The following EDIL3 variants were observed in gnomAD, a reference collection of about 807,000 sequenced individuals.
EDIL3 encodes the protein EGF like and discoidin domains 3, also known as EGF-like repeat and discoidin I-like domain-containing protein 3.
EDIL3 carries 37 observed loss-of-function variants against 67.4 expected under a neutral mutation model. The observed-to-expected ratio is 0.55, with a 90% CI of 0.42 to 0.72. EDIL3 has a LOEUF of 0.72. EDIL3 is among the 30% of genes least tolerant of loss of function. The pLI is 0.00. For missense variants in EDIL3, 527 were observed against 586.3 expected (o/e 0.90, Z 1.04); for synonymous variants, 195 against 196.3 (o/e 0.99, Z 0.05).
chr5:84,029,615 A>G (rs933815357), intron 9 of EDIL3, among the ~76,000 whole-genome samples: 3 of 152,212 alleles, frequency 2.0e-5, no homozygotes, highest in Admixed American at 2.0e-4. Context: ...AACTTTCATA[A>G]GGCTAAGTTA....
chr5:84,330,855 A>G (rs10072019), intron 1 of EDIL3, among the ~76,000 whole-genome samples: 59,090 of 151,976 alleles, frequency 0.39, 12,072 homozygotes, highest in Middle Eastern at 0.49. Flanking sequence ...AAATTAGGAA[A>G]GGGTTGGCAC....
At chr5:84,279,662 G>T (rs2112105551) in intron 1 of EDIL3, among the ~76,000 whole-genome samples, 1 of 152,174 alleles carries the variant, frequency 6.6e-6, no homozygotes, top group African/African-American at 2.4e-5. Context: ...AAAGAGCTTT[G>T]CCCTTTGCTA....
At chr5:84,029,374 T>C (rs1296746918) in intron 9 of EDIL3, among the ~76,000 whole-genome samples, 1 of 152,186 alleles carries the variant, frequency 6.6e-6, no homozygotes, top group Non-Finnish European at 1.5e-5. Context: ...TCCGCAACGA[T>C]TGTGAGGCCT....
At chr5:84,322,842 G>C (rs774491595) in intron 1 of EDIL3, among the ~76,000 whole-genome samples, 1 of 151,844 alleles carries the variant, frequency 6.6e-6, no homozygotes, top group African/African-American at 2.4e-5. Context: ...CACGTACAAG[G>C]GATTCTCAAT....
intron 6 of EDIL3, among the ~76,000 whole-genome samples, chr5:84,075,938 T>C (rs1746847491): frequency 7.4e-6 from 1 of 135,220 alleles, no homozygotes; most frequent in African/African-American, 2.8e-5. Flanking sequence ...TCACGTGCCA[T>C]TGTGGGTTTT....
At chr5:84,057,699 T>C (rs1474915093) in intron 9 of EDIL3, among the ~76,000 whole-genome samples, 1 of 152,154 alleles carries the variant, frequency 6.6e-6, no homozygotes, top group Non-Finnish European at 1.5e-5. Context: ...ATTGAGAATA[T>C]GTACCAGTTG....
chr5:84,194,362 C>T (rs10942344), intron 3 of EDIL3, among the ~76,000 whole-genome samples: 25,948 of 151,750 alleles, frequency 0.17, 2,467 homozygotes, highest in Middle Eastern at 0.31. Flanking sequence ...ACTAGAGAAG[C>T]CAGTTTAAAC....
intron 3 of EDIL3, among the ~76,000 whole-genome samples, chr5:84,202,773 G>C (rs958426823): frequency 9.2e-5 from 14 of 152,112 alleles, no homozygotes; most frequent in Non-Finnish European, 1.9e-4. Context: ...ATATAGAGAA[G>C]ACAGAGAAGA....
intron 5 of EDIL3, among the ~76,000 whole-genome samples, chr5:84,132,378 T>C (rs1309872745): frequency 1.7e-3 from 35 of 20,380 alleles, no homozygotes; most frequent in African/African-American, 5.3e-3. Context: ...ATATATTATA[T>C]ATAATATATT....
chr5:84,362,400 A>C (rs1353336585), intron 1 of EDIL3, among the ~76,000 whole-genome samples: 4 of 152,192 alleles, frequency 2.6e-5, no homozygotes, highest in African/African-American at 9.6e-5. Flanking sequence ...TGAATCAAAT[A>C]AAATGGCTGA....
chr5:84,152,121 T>C (rs925439978), intron 4 of EDIL3, among the ~76,000 whole-genome samples: 7 of 151,986 alleles, frequency 4.6e-5, no homozygotes, highest in Middle Eastern at 3.4e-3. Context: ...GGTTTCACCA[T>C]GTTGGCCAGG....
intron 6 of EDIL3, among the ~76,000 whole-genome samples, chr5:84,073,123 A>T (rs1746773245): frequency 6.6e-6 from 1 of 152,192 alleles, no homozygotes; most frequent in Admixed American, 6.6e-5. Context: ...AGATGCAGAA[A>T]AGGCCTTTGA....
chr5:84,329,188 A>G (rs930938050), intron 1 of EDIL3, among the ~76,000 whole-genome samples: 1 of 152,098 alleles, frequency 6.6e-6, no homozygotes, highest in Non-Finnish European at 1.5e-5. Flanking sequence ...TACTATTTTC[A>G]TCTTCTATTG....
chr5:84,342,905 C>G (rs969029084), intron 1 of EDIL3, among the ~76,000 whole-genome samples: 1 of 152,012 alleles, frequency 6.6e-6, no homozygotes, highest in African/African-American at 2.4e-5. Context: ...TTTGCCAGAA[C>G]CTTATTACTC....
At chr5:84,173,767 G>C (rs759667379) in intron 4 of EDIL3, among the ~76,000 whole-genome samples, 8 of 152,186 alleles carry the variant, frequency 5.3e-5, no homozygotes, top group Non-Finnish European at 1.0e-4. Context: ...GAGTGTTGCT[G>C]CAAGATAGCC....
At chr5:84,079,149 A>G (rs1390737924) in intron 6 of EDIL3, among the ~76,000 whole-genome samples, 1 of 152,166 alleles carries the variant, frequency 6.6e-6, no homozygotes, top group African/African-American at 2.4e-5. Context: ...GTGTCACATC[A>G]GAGAGGGCAA....
intron 3 of EDIL3, among the ~76,000 whole-genome samples, chr5:84,220,937 G>A (rs1302502365): frequency 2.5e-5 from 1 of 40,598 alleles, no homozygotes; most frequent in Non-Finnish European, 5.1e-5. Context: ...ATAAATTTTC[G>A]CCACAGAAGA....
chr5:84,163,756 C>T (rs1402816587), intron 4 of EDIL3, among the ~76,000 whole-genome samples: 1 of 152,022 alleles, frequency 6.6e-6, no homozygotes, highest in Non-Finnish European at 1.5e-5. Context: ...CAAAACAAAA[C>T]ACATGTATAA....
At chr5:84,279,685 G>A (rs1191226555) in intron 1 of EDIL3, among the ~76,000 whole-genome samples, 1 of 152,000 alleles carries the variant, frequency 6.6e-6, no homozygotes, top group East Asian at 1.9e-4. Flanking sequence ...ACTCTTCCTT[G>A]TCCTCTCCTT....
Sources: gnomAD v4.1 joint callset for allele counts (sites outside exome capture counted in the v4.1 genomes callset) on GRCh38, gnomAD v4.1.1 for gene constraint, MANE v1.5 for transcripts, NCBI Gene and HGNC (gene_info 2026-07-23, HGNC 2026-07-21) for gene names.